Variants in VAV2 observed in about 807,000 individuals in gnomAD.
The protein encoded by VAV2 is guanine nucleotide exchange factor VAV2.
Under a neutral mutation model 132.5 loss-of-function variants are expected in VAV2, and 67 were observed. That is an observed-to-expected ratio of 0.51 (90% CI 0.42 to 0.62). VAV2 has a LOEUF of 0.62. Among genes scored for constraint, VAV2 ranks in the 20% least tolerant of loss-of-function variants. The pLI is 0.00. For synonymous variants in VAV2, 492 were observed against 443.5 expected (o/e 1.11, Z -1.37); for missense variants, 938 against 1,153.6 (o/e 0.81, Z 2.71).
At chr9:133,915,785 C>T (rs993853142) in intron 2 of VAV2, among the ~76,000 whole-genome samples, 27 of 150,180 alleles carry the variant, frequency 1.8e-4, no homozygotes, top group African/African-American at 5.2e-4. Context: ...CACACGCACA[C>T]GATGTACATG....
intron 2 of VAV2, among the ~76,000 whole-genome samples, chr9:133,920,707 G>A (rs973712247): frequency 1.3e-5 from 2 of 152,094 alleles, no homozygotes; most frequent in Non-Finnish European, 1.5e-5. Flanking sequence ...GGCTCAAGGC[G>A]GGGGATGCTG....
rs1165817934 is a variant in VAV2, at chr9:133,879,708, A to G, written c.322-18276T>C. Among the ~76,000 whole-genome samples, 1 of 152,068 alleles carries G rather than the reference A, an allele frequency of 6.6e-6. No individual in the cohort carries two copies. The highest frequency in any genetic ancestry group is 2.4e-5 in the African/African-American group (1 of 41,410). On this transcript the variant is annotated intron_variant, in intron 2 of 29. Coordinates refer to ENST00000371850, the MANE Select transcript of VAV2 (RefSeq NM_001134398.2). The surrounding 1 kb of genome is among the most constrained non-coding windows in gnomAD (Gnocchi z 4.4). Reference sequence around the variant, plus strand: ...ACCAAGAACCTGCTCTCCCTTCCAAAGCAGAACCTATCCGAGAATCCCTAC... The same window carrying G: ...ACCAAGAACCTGCTCTCCCTTCCAAGGCAGAACCTATCCGAGAATCCCTAC...
In VAV2 at chr9:133,861,381, C is replaced by T; in HGVS notation, c.373G>A (p.Gly125Arg). 1 of 1,612,922 alleles carries T rather than the reference C, an allele frequency of 6.2e-7. No individual in the cohort carries two copies. The highest frequency in any genetic ancestry group is 8.5e-7 in the Non-Finnish European group (1 of 1,179,454). The change falls in exon 3 of 30, where the codon GGG (glycine) becomes AGG (arginine). Residue 125 changes from glycine (G) to arginine (R), a missense_variant. Coordinates refer to ENST00000371850, the MANE Select transcript of VAV2 (RefSeq NM_001134398.2). ...GCACTCCGGAGAGCTCACCTGATCC[C>T]TTTGTTCTGCGCGATGCTGTGCAGG... ...LSLHSIAQNKGIRPFPSEETT... is the reference protein window; with the variant it reads ...LSLHSIAQNKRIRPFPSEETT...
intron 1 of VAV2, among the ~76,000 whole-genome samples, chr9:133,979,793 G>C (rs911254185): frequency 6.6e-6 from 1 of 152,234 alleles, no homozygotes; most frequent in East Asian, 1.9e-4. Flanking sequence ...GGGGAGCACA[G>C]GTGCTAGTGG....
chr9:133,780,572 T>A, intron 20 of VAV2, 122 bp downstream of exon 20: 1 of 1,204,438 alleles, frequency 8.3e-7, no homozygotes, highest in African/African-American at 1.6e-5. Flanking sequence ...CAAAAGTGGC[T>A]CATCCAAGCC....
intron 26 of VAV2, among the ~76,000 whole-genome samples, 196 bp from the exon 27 acceptor site, chr9:133,770,697 TC>T (rs1214032445): frequency 6.6e-6 from 1 of 152,118 alleles, no homozygotes; most frequent in African/African-American, 2.4e-5. Flanking sequence ...CCCAAATGTT[TC>T]TAGAAAAAAT....
chr9:133,784,881 G>A (rs1377562485), intron 17 of VAV2, among the ~76,000 whole-genome samples: 1 of 152,152 alleles, frequency 6.6e-6, no homozygotes, highest in Non-Finnish European at 1.5e-5. Context: ...GGCTGGGGTG[G>A]GGTGGGGTGA....
intron 2 of VAV2, among the ~76,000 whole-genome samples, chr9:133,901,803 C>T (rs1392224847): frequency 6.6e-6 from 1 of 152,256 alleles, no homozygotes. Flanking sequence ...GGAACCCCAG[C>T]GCCCACTGCC....
rs112183158 is a variant in VAV2, at chr9:133,775,152, G to A, written c.2019-101C>T. Reference sequence around the variant, plus strand: ...GGCAGGCCACATGAAGTACTCTGCAGTCCTCATCTGAGAGCTCATCTCCTA... The same window carrying A: ...GGCAGGCCACATGAAGTACTCTGCAATCCTCATCTGAGAGCTCATCTCCTA... On this transcript the variant is annotated intron_variant, in intron 24 of 29. Coordinates refer to ENST00000371850, the MANE Select transcript of VAV2 (RefSeq NM_001134398.2). 1.2e-5 allele frequency: 11 copies of A among 928,438 alleles called. No homozygotes were observed. In the African/African-American group the frequency reaches 1.3e-4, roughly 11 times the overall value. The allele number at this position is 928,438 out of a possible 1,614,324, so 57.5% of individuals were successfully genotyped here.
chr9:133,974,712 T>C (rs1314846173), intron 1 of VAV2, among the ~76,000 whole-genome samples: 1 of 151,784 alleles, frequency 6.6e-6, no homozygotes, highest in Non-Finnish European at 1.5e-5. Flanking sequence ...ACTCAGAAAA[T>C]CCACACACTC....
rs1214277687 is a variant in VAV2 at position 133,879,153 on chromosome 9, CG to C, written c.322-17722del. Among the ~76,000 whole-genome samples, 1 of 152,220 alleles carries C rather than the reference CG, an allele frequency of 6.6e-6. No homozygotes were observed. Among genetic ancestry groups the C allele is most frequent in the Non-Finnish European group, 1.5e-5 (1 of 68,042 alleles). On this transcript the variant is annotated intron_variant, in intron 2 of 29. Transcript: ENST00000371850. This position sits in a 1 kb window ranked among gnomAD's most constrained non-coding sequence, Gnocchi z 4.4. ...CTGGACCCCGTCTCAGCTGCAGACT[CG>C]CAGCAGTGCCGGAGCTCTCTGCGCC...
At chr9:133,799,376 G>A (rs553135465) in intron 9 of VAV2, among the ~76,000 whole-genome samples, 39 of 152,296 alleles carry the variant, frequency 2.6e-4, no homozygotes, top group African/African-American at 8.9e-4. Flanking sequence ...CAGGCCGCCC[G>A]AGAATCCTCC....
Position 133,928,179 on chromosome 9 carries a change from GTGTGTGTGTGCGTGCA to G in VAV2, c.321+10908_321+10923del, listed in dbSNP as rs974470699. Among the ~76,000 whole-genome samples, 2 of 37,150 alleles carry G rather than the reference GTGTGTGTGTGCGTGCA, an allele frequency of 5.4e-5. No individual in the cohort carries two copies. The highest frequency in any genetic ancestry group is 9.0e-5 in the African/African-American group (2 of 22,214). The allele number at this position is 37,150 out of a possible 152,430, so 24.4% of individuals were successfully genotyped here. A position where few individuals can be genotyped will look rare whatever the true frequency, so the allele number is the denominator to read the frequency against. On this transcript the variant is annotated intron_variant, in intron 2 of 29. Coordinates refer to ENST00000371850, the MANE Select transcript of VAV2 (RefSeq NM_001134398.2). This position sits in a 1 kb window ranked among gnomAD's most constrained non-coding sequence, Gnocchi z 5.4. ...ATGGGCTTACCGACTCCGTGTGTGT[GTGTGTGTGTGCGTGCA>G]TGTGTGTATGTCTGTGTGTGTGCGT... is the stretch of plus-strand genomic sequence containing the variant.
At chr9:133,790,000 G>A (rs530838856) in intron 13 of VAV2, among the ~76,000 whole-genome samples, 2 of 152,324 alleles carry the variant, frequency 1.3e-5, no homozygotes, top group South Asian at 4.1e-4. Context: ...TCCTTCCAAG[G>A]TCTCAGCCCC....
intron 3 of VAV2, 123 bp downstream of exon 3, chr9:133,861,251 A>C: frequency 1.1e-5 from 12 of 1,057,976 alleles, no homozygotes; most frequent in Admixed American, 3.3e-5. Flanking sequence ...AACACGCTGC[A>C]AATGCATGAT....
At position 133,823,991 on chromosome 9, in the gene VAV2, G is replaced by A. The variant is rs528259227; in HGVS notation, c.449+10281C>T. Among the ~76,000 whole-genome samples, 7 of 152,216 alleles carry A rather than the reference G, an allele frequency of 4.6e-5. No homozygotes were observed. In the South Asian group the frequency reaches 1.5e-3, roughly 32 times the overall value. Reference sequence around the variant, plus strand: ...GCCTCTCCCTCAGTGGTGGGGGTGGGGGAGCAGGGTTTCGAGGTCACTGAA... The same window carrying A: ...GCCTCTCCCTCAGTGGTGGGGGTGGAGGAGCAGGGTTTCGAGGTCACTGAA... On this transcript the variant is annotated intron_variant, in intron 4 of 29. Coordinates refer to ENST00000371850, the MANE Select transcript of VAV2 (RefSeq NM_001134398.2). The surrounding 1 kb of genome is among the most constrained non-coding windows in gnomAD (Gnocchi z 5.5).
At chr9:133,838,116 T>G (rs3017467) in intron 3 of VAV2, among the ~76,000 whole-genome samples, 16,284 of 151,854 alleles carry the variant, frequency 0.11, 2,279 homozygotes, top group African/African-American at 0.33. Context: ...CAGGCCCCAG[T>G]CCCCTTTCAC....
intron 2 of VAV2, among the ~76,000 whole-genome samples, chr9:133,921,398 G>A (rs1840292681): frequency 6.6e-6 from 1 of 152,192 alleles, no homozygotes; most frequent in African/African-American, 2.4e-5. Context: ...AGCACTTCAG[G>A]AGGCAGAGAT....
chr9:133,920,499 C>T (rs1449200085), intron 2 of VAV2, among the ~76,000 whole-genome samples: 1 of 152,198 alleles, frequency 6.6e-6, no homozygotes, highest in East Asian at 1.9e-4. Flanking sequence ...TCCAGTGCCC[C>T]CTCCACCTGC....
Sources: allele counts gnomAD v4.1 joint callset (sites outside exome capture counted in the v4.1 genomes callset), GRCh38; gene constraint gnomAD v4.1.1; non-coding constraint Gnocchi (gnomAD v3.1); transcripts MANE v1.5; gene names NCBI Gene and HGNC (gene_info 2026-07-23, HGNC 2026-07-21).